Variants in PTPRG observed in about 807,000 individuals in gnomAD.
PTPRG encodes the protein receptor-type tyrosine-protein phosphatase gamma.
Under a neutral mutation model 165.3 loss-of-function variants are expected in PTPRG, and 102 were observed. The observed-to-expected ratio is 0.62, with a 90% CI of 0.53 to 0.73. The LOEUF is 0.73. Ranked by LOEUF, PTPRG falls within the 30% of genes least tolerant of loss-of-function variation. PTPRG has a pLI of 0.00. For missense variants in PTPRG, 1,866 were observed against 1,861.4 expected (o/e 1.00, Z -0.05); for synonymous variants, 675 against 669.5 (o/e 1.01, Z -0.13).
chr3:62,211,193 C>T (rs1376822643), intron 12 of PTPRG, among the ~76,000 whole-genome samples: 1 of 152,192 alleles, frequency 6.6e-6, no homozygotes, highest in Non-Finnish European at 1.5e-5. Flanking sequence ...GAACGAAATC[C>T]TCTCACATGC....
chr3:61,644,707 C>T (rs1426813724), intron 1 of PTPRG, among the ~76,000 whole-genome samples: 1 of 152,108 alleles, frequency 6.6e-6, no homozygotes, highest in African/African-American at 2.4e-5. Context: ...GAATGTGATC[C>T]ATGGTTTCTA....
At chr3:62,060,202 A>C (rs1446537525) in intron 4 of PTPRG, among the ~76,000 whole-genome samples, 2 of 112,810 alleles carry the variant, frequency 1.8e-5, no homozygotes, top group African/African-American at 6.9e-5. Context: ...ACAGAGTGAG[A>C]CCCTGTCTCA....
chr3:62,138,038 G>C (rs978748536), intron 6 of PTPRG, among the ~76,000 whole-genome samples: 1 of 152,104 alleles, frequency 6.6e-6, no homozygotes, highest in Non-Finnish European at 1.5e-5. Flanking sequence ...CATCTTCAAG[G>C]CTCTCTTCTC....
intron 5 of PTPRG, among the ~76,000 whole-genome samples, chr3:62,126,250 G>A (rs1279658238): frequency 6.6e-6 from 1 of 152,186 alleles, no homozygotes; most frequent in Non-Finnish European, 1.5e-5. Context: ...GGAGGCAGGG[G>A]CAGGAGGCCA....
intron 14 of PTPRG, among the ~76,000 whole-genome samples, chr3:62,235,005 A>G (rs1700995359): frequency 1.3e-5 from 2 of 152,018 alleles, no homozygotes; most frequent in Non-Finnish European, 2.9e-5. Context: ...GAAGAGGCAT[A>G]TAATACCTTC....
chr3:61,776,089 T>TA (rs35921018), intron 2 of PTPRG, among the ~76,000 whole-genome samples: 122,345 of 147,530 alleles, frequency 0.83, 50,742 homozygotes, highest in East Asian at 0.94. Flanking sequence ...ATAATAAAAT[T>TA]AAAAAAAAAA....
At chr3:61,751,072 T>C (rs1360415850) in intron 2 of PTPRG, 1 of 152,252 alleles carries the variant, frequency 6.6e-6, no homozygotes, top group Non-Finnish European at 1.5e-5. Flanking sequence ...CAACTGATGG[T>C]ATAAAGTTCT....
At chr3:62,024,333 C>T (rs1002860922) in intron 4 of PTPRG, among the ~76,000 whole-genome samples, 9 of 152,116 alleles carry the variant, frequency 5.9e-5, no homozygotes, top group African/African-American at 1.9e-4. Flanking sequence ...ACTCCCATCT[C>T]CCCACTTGTC....
intron 15 of PTPRG, among the ~76,000 whole-genome samples, chr3:62,248,544 C>T (rs1390546787): frequency 6.6e-6 from 1 of 152,084 alleles, no homozygotes; most frequent in Non-Finnish European, 1.5e-5. Flanking sequence ...TTATAAAAAT[C>T]TAGTGACTCA....
intron 2 of PTPRG, among the ~76,000 whole-genome samples, chr3:61,794,708 A>G (rs781356745): frequency 6.6e-6 from 1 of 152,228 alleles, no homozygotes; most frequent in Non-Finnish European, 1.5e-5. Flanking sequence ...ATTCTGAAAA[A>G]TGAGTAAATT....
chr3:61,631,336 C>T (rs1198215413), intron 1 of PTPRG, among the ~76,000 whole-genome samples: 1 of 152,170 alleles, frequency 6.6e-6, no homozygotes, highest in Non-Finnish European at 1.5e-5. Flanking sequence ...CTGCAGTTGC[C>T]TGCATTCTGA....
intron 2 of PTPRG, among the ~76,000 whole-genome samples, chr3:61,957,839 AG>A (rs2040068519): frequency 6.6e-6 from 1 of 152,138 alleles, no homozygotes; most frequent in South Asian, 2.1e-4. Context: ...AGCCTCAGAG[AG>A]GGGCTTTTGG....
chr3:61,968,555 T>A (rs1365415499), intron 2 of PTPRG, among the ~76,000 whole-genome samples: 2 of 152,240 alleles, frequency 1.3e-5, no homozygotes, highest in Non-Finnish European at 2.9e-5. Context: ...GTGGTAAATT[T>A]TAGTGCCTTT....
intron 4 of PTPRG, among the ~76,000 whole-genome samples, chr3:62,075,976 TATG>T (rs768895680): frequency 1.2e-4 from 19 of 152,042 alleles, no homozygotes; most frequent in South Asian, 4.1e-4. Flanking sequence ...AATCTTAAAA[TATG>T]ATGATGATGA....
chr3:61,629,386 C>T (rs1191860734), intron 1 of PTPRG, among the ~76,000 whole-genome samples: 2 of 152,074 alleles, frequency 1.3e-5, no homozygotes, highest in East Asian at 1.9e-4. Flanking sequence ...AAACTCCTGA[C>T]CTTGTGATCC....
chr3:62,078,065 A>G (rs1400968207), intron 4 of PTPRG, 98 bp from the exon 5 acceptor site: 2 of 771,052 alleles, frequency 2.6e-6, no homozygotes, highest in African/African-American at 1.8e-5. Context: ...GCAAAATCTT[A>G]TTAGCAACTG....
intron 2 of PTPRG, among the ~76,000 whole-genome samples, chr3:61,913,279 G>A (rs1345966890): frequency 6.6e-6 from 1 of 152,136 alleles, no homozygotes; most frequent in Admixed American, 6.5e-5. Flanking sequence ...GAGTGCAGTG[G>A]CGCGATCTTG....
Position 62,195,058 on chromosome 3 carries a change from A to C in PTPRG, c.1219-4A>C. ...CTCACTGCTTTTTCCTTCTTTACTT[A>C]CAGAAAGCCACCATTAGCCATGTCT... On this transcript the variant is annotated splice_region_variant and splice_polypyrimidine_tract_variant and intron_variant, in intron 9 of 29. Coordinates refer to ENST00000474889, the MANE Select transcript of PTPRG (RefSeq NM_002841.4). The surrounding 1 kb of genome is among the most constrained non-coding windows in gnomAD (Gnocchi z 4.4). The C allele has an allele frequency of 6.2e-7, 1 of 1,613,756 alleles. No individual in the cohort carries two copies. The highest frequency in any genetic ancestry group is 8.5e-7 in the Non-Finnish European group (1 of 1,179,736).
intron 1 of PTPRG, among the ~76,000 whole-genome samples, chr3:61,578,943 G>A (rs546455467): frequency 2.6e-5 from 4 of 152,176 alleles, no homozygotes; most frequent in African/African-American, 7.2e-5. Context: ...GTTCTTTTAC[G>A]AGGGATAAAC....
Sources: gnomAD v4.1 joint callset for allele counts (sites outside exome capture counted in the v4.1 genomes callset) on GRCh38, gnomAD v4.1.1 for gene constraint, Gnocchi (gnomAD v3.1) non-coding constraint, MANE v1.5 for transcripts, NCBI Gene and HGNC (gene_info 2026-07-23, HGNC 2026-07-21) for gene names.